Variants in UNC5C observed in about 807,000 individuals in gnomAD.
The protein encoded by UNC5C is netrin receptor UNC5C.
In UNC5C, 47 loss-of-function variants were observed where a neutral mutation model predicts 99.8. That is an observed-to-expected ratio of 0.47 (90% CI 0.37 to 0.60). UNC5C has a LOEUF of 0.60. Ranked by LOEUF, UNC5C falls within the 20% of genes least tolerant of loss-of-function variation. UNC5C has a pLI of 0.00. For missense variants in UNC5C, 1,062 were observed against 1,165.9 expected, an observed-to-expected ratio of 0.91 and a Z score of 1.30; for synonymous variants, 487 against 452.2, an observed-to-expected ratio of 1.08 and a Z score of -0.98.
In UNC5C at chr4:95,330,593, T is replaced by A. The variant is rs140517812; in HGVS notation, c.346+4817A>T. Among the ~76,000 whole-genome samples, 560 of 152,250 alleles carry A rather than the reference T, an allele frequency of 3.7e-3. 3 individuals are homozygous for A. The highest frequency in any genetic ancestry group is 6.8e-3 in the Middle Eastern group (2 of 294). On this transcript the variant is annotated intron_variant, in intron 2 of 15. Coordinates refer to ENST00000453304, the MANE Select transcript of UNC5C (RefSeq NM_003728.4). ...GGTGATACAAATTTTTTATCACCTA[T>A]TTTCTCTATTCTCTTCATTTAAAGA...
intron 6 of UNC5C, among the ~76,000 whole-genome samples, chr4:95,243,877 G>A (rs1293322246): frequency 6.6e-6 from 1 of 152,132 alleles, no homozygotes; most frequent in African/African-American, 2.4e-5. Context: ...TAATTGATCA[G>A]TGCATTTTTA....
chr4:95,287,584 G>A (rs750830819), intron 3 of UNC5C, among the ~76,000 whole-genome samples: 11 of 152,182 alleles, frequency 7.2e-5, no homozygotes, highest in Non-Finnish European at 1.5e-4. Context: ...CAGCTCGTGT[G>A]TCTATACCTA....
At chr4:95,266,736 A>G (rs1342224043) in intron 4 of UNC5C, among the ~76,000 whole-genome samples, 3 of 152,184 alleles carry the variant, frequency 2.0e-5, no homozygotes, top group Non-Finnish European at 4.4e-5. Flanking sequence ...CAACCCTCAC[A>G]TTTCAAAAAT....
intron 1 of UNC5C, among the ~76,000 whole-genome samples, chr4:95,433,827 G>A (rs573636855): frequency 6.6e-6 from 1 of 152,062 alleles, no homozygotes; most frequent in East Asian, 1.9e-4. Context: ...CTCTACTCAC[G>A]ATGCCAGCCC....
intron 1 of UNC5C, among the ~76,000 whole-genome samples, chr4:95,526,731 T>C (rs923672332): frequency 3.9e-5 from 6 of 152,144 alleles, no homozygotes; most frequent in African/African-American, 1.4e-4. Flanking sequence ...GCCTAAATGG[T>C]CTTCTCATTT....
intron 1 of UNC5C, among the ~76,000 whole-genome samples, chr4:95,394,076 C>T (rs1313496122): frequency 6.6e-6 from 1 of 152,026 alleles, no homozygotes; most frequent in African/African-American, 2.4e-5. Flanking sequence ...ATTGTTAGTG[C>T]ATTGCCTTTA....
chr4:95,498,370 G>A (rs139173485), intron 1 of UNC5C, among the ~76,000 whole-genome samples: 57 of 152,050 alleles, frequency 3.7e-4, no homozygotes, highest in South Asian at 1.9e-3. Context: ...AGATCATTCA[G>A]TAAGCCATAA....
At chr4:95,476,778 C>T (rs1363373669) in intron 1 of UNC5C, among the ~76,000 whole-genome samples, 2 of 151,802 alleles carry the variant, frequency 1.3e-5, no homozygotes, top group South Asian at 2.1e-4. Context: ...GTTTAAACTT[C>T]TTAACTCTAT....
At chr4:95,299,913 G>T (rs1741807725) in intron 3 of UNC5C, among the ~76,000 whole-genome samples, 1 of 152,174 alleles carries the variant, frequency 6.6e-6, no homozygotes. Context: ...TGTGGTAACA[G>T]GGAGGAAGGG....
rs988774766 is a variant in UNC5C, at chr4:95,165,718, CTTAT to C, written c.*3512_*3515del. Reference sequence around the variant, plus strand: ...TAGTATTCCATTCGCATATATAAGACTTATTTCTTTCTAAGCAGATACTTCTTAC... The same window carrying C: ...TAGTATTCCATTCGCATATATAAGACTTCTTTCTAAGCAGATACTTCTTAC... On this transcript the variant is annotated 3_prime_UTR_variant, in exon 16 of 16. Coordinates refer to ENST00000453304, the MANE Select transcript of UNC5C (RefSeq NM_003728.4). 6.6e-6 allele frequency: 1 copy of C among 152,134 alleles called. No individual in the cohort carries two copies. Among genetic ancestry groups the C allele is most frequent in the Non-Finnish European group, 1.5e-5 (1 of 68,022 alleles). The allele number at this position is 152,134 out of a possible 1,614,324, so 9.4% of individuals were successfully genotyped here.
intron 10 of UNC5C, among the ~76,000 whole-genome samples, chr4:95,212,073 A>C (rs1400713139): frequency 6.6e-6 from 1 of 152,204 alleles, no homozygotes; most frequent in Non-Finnish European, 1.5e-5. Context: ...TAACATGATA[A>C]GCAAATCTAT....
intron 14 of UNC5C, among the ~76,000 whole-genome samples, chr4:95,170,539 A>G (rs1335636237): frequency 6.6e-6 from 1 of 152,072 alleles, no homozygotes; most frequent in Non-Finnish European, 1.5e-5. Flanking sequence ...ATACATTTTG[A>G]GCTAACTTTG....
At chr4:95,334,352 G>A (rs535023574) in intron 2 of UNC5C, among the ~76,000 whole-genome samples, 1 of 151,904 alleles carries the variant, frequency 6.6e-6, no homozygotes, top group South Asian at 2.1e-4. Flanking sequence ...TATCCATTTT[G>A]GTTCAGAGAG....
intron 4 of UNC5C, among the ~76,000 whole-genome samples, chr4:95,268,167 C>T (rs974345668): frequency 7.2e-5 from 11 of 151,826 alleles, no homozygotes; most frequent in African/African-American, 2.2e-4. Flanking sequence ...GTCTCGATCT[C>T]CTGACCTCGT....
chr4:95,301,877 C>A, intron 2 of UNC5C, 128 bp from the exon 3 acceptor site: 1 of 1,204,492 alleles, frequency 8.3e-7, no homozygotes, highest in South Asian at 1.6e-5. Context: ...GATATTGTCT[C>A]TCATCTCTTT....
intron 1 of UNC5C, 68 bp downstream of exon 1, chr4:95,548,666 A>T (rs1723143037): frequency 7.7e-6 from 12 of 1,554,240 alleles, no homozygotes; most frequent in African/African-American, 1.4e-5. Context: ...AGAACTGGGG[A>T]GGAGGAGAGG....
chr4:95,234,367 G>A lies in UNC5C; in HGVS notation c.1108+8062C>T, dbSNP rs143638255. On this transcript the variant is annotated intron_variant, in intron 7 of 15. Coordinates refer to ENST00000453304, the MANE Select transcript of UNC5C (RefSeq NM_003728.4). Reference sequence around the variant, plus strand: ...AATTATTTTCAATAGCAACAAACACGCCAAATCGCTTACCTTTTTTTTATT... The same window carrying A: ...AATTATTTTCAATAGCAACAAACACACCAAATCGCTTACCTTTTTTTTATT... Among the ~76,000 whole-genome samples the A allele has an allele frequency of 6.2e-3, 882 of 141,622 alleles. 12 individuals are homozygous for A. Among genetic ancestry groups the A allele is most frequent in the African/African-American group, 0.022 (830 of 38,084 alleles). 92.9% of individuals were successfully genotyped at this position (141,622 alleles called of 152,430 possible).
intron 14 of UNC5C, among the ~76,000 whole-genome samples, chr4:95,174,476 A>G (rs1276767825): frequency 6.6e-6 from 1 of 151,992 alleles, no homozygotes; most frequent in East Asian, 1.9e-4. Flanking sequence ...GAACATCTTT[A>G]TTTCTGCCTT....
At chr4:95,266,823 G>A (rs1392150338) in intron 4 of UNC5C, among the ~76,000 whole-genome samples, 1 of 152,162 alleles carries the variant, frequency 6.6e-6, no homozygotes, top group Non-Finnish European at 1.5e-5. Flanking sequence ...CAAAGACAGA[G>A]AAATATGGAT....
Sources: gnomAD v4.1 joint callset for allele counts (sites outside exome capture counted in the v4.1 genomes callset) on GRCh38, gnomAD v4.1.1 for gene constraint, MANE v1.5 for transcripts, NCBI Gene and HGNC (gene_info 2026-07-23, HGNC 2026-07-21) for gene names.